The following ADAMTS19 variants were observed in gnomAD, a reference collection of about 807,000 sequenced individuals.
ADAMTS19 encodes A disintegrin and metalloproteinase with thrombospondin motifs 19.
ADAMTS19 carries 93 observed loss-of-function variants against 153.3 expected under a neutral mutation model. The observed-to-expected ratio is 0.61, with a 90% CI of 0.51 to 0.72. ADAMTS19 has a LOEUF of 0.72. Among genes scored for constraint, ADAMTS19 ranks in the 30% least tolerant of loss-of-function variants. The pLI is 0.00. For missense variants in ADAMTS19, 1,482 were observed against 1,552.1 expected (o/e 0.95, Z 0.76); for synonymous variants, 600 against 556.6 (o/e 1.08, Z -1.10).
intron 21 of ADAMTS19, among the ~76,000 whole-genome samples, chr5:129,710,056 G>A (rs1029407040): frequency 1.3e-5 from 2 of 151,696 alleles, no homozygotes; most frequent in South Asian, 2.1e-4. Flanking sequence ...CTGGTTTGCC[G>A]CACTATCAGC....
chr5:129,649,641 C>T (rs1380661680), intron 13 of ADAMTS19, among the ~76,000 whole-genome samples: 1 of 151,826 alleles, frequency 6.6e-6, no homozygotes, highest in Non-Finnish European at 1.5e-5. Flanking sequence ...AGTTTCAGAC[C>T]TTGATTGCGG....
At chr5:129,623,314 CT>C (rs199750983) in intron 10 of ADAMTS19, among the ~76,000 whole-genome samples, 11 of 151,360 alleles carry the variant, frequency 7.3e-5, no homozygotes, top group Admixed American at 2.0e-4. Context: ...CTCTAGTAAC[CT>C]TTTTTTTTCT....
At chr5:129,639,171 AT>A (rs1752683427) in intron 10 of ADAMTS19, among the ~76,000 whole-genome samples, 2 of 152,152 alleles carry the variant, frequency 1.3e-5, no homozygotes, top group African/African-American at 2.4e-5. Flanking sequence ...GTTGAAAAAA[AT>A]ATTTGACCCT....
intron 2 of ADAMTS19, among the ~76,000 whole-genome samples, chr5:129,492,646 C>A (rs1750806718): frequency 6.6e-6 from 1 of 151,838 alleles, no homozygotes; most frequent in African/African-American, 2.4e-5. Flanking sequence ...TTTTCATTAC[C>A]TATAATCACT....
At chr5:129,588,662 G>A (rs185450147) in intron 7 of ADAMTS19, among the ~76,000 whole-genome samples, 2 of 151,480 alleles carry the variant, frequency 1.3e-5, no homozygotes, top group African/African-American at 4.8e-5. Context: ...TTCCTTTTAT[G>A]CATAATAATA....
intron 18 of ADAMTS19, among the ~76,000 whole-genome samples, chr5:129,688,494 A>G (rs1405255628): frequency 6.6e-6 from 1 of 151,862 alleles, no homozygotes; most frequent in African/African-American, 2.4e-5. Context: ...CAGCATCTCA[A>G]ACTAAGTTTT....
chr5:129,658,303 G>GAA (rs1242274204), intron 14 of ADAMTS19, among the ~76,000 whole-genome samples: 3,109 of 98,132 alleles, frequency 0.032, 48 homozygotes, highest in Middle Eastern at 0.073. Flanking sequence ...AAGAAAGAAA[G>GAA]AAAGAAAAAG....
intron 16 of ADAMTS19, among the ~76,000 whole-genome samples, chr5:129,673,581 T>A (rs1481841330): frequency 6.6e-6 from 1 of 152,180 alleles, no homozygotes; most frequent in Non-Finnish European, 1.5e-5. Flanking sequence ...ATGACCCGTT[T>A]ATACTTGAAA....
At chr5:129,522,334 T>TACACAC (rs1561549642) in intron 3 of ADAMTS19, among the ~76,000 whole-genome samples, 1 of 80,286 alleles carries the variant, frequency 1.2e-5, no homozygotes, top group Non-Finnish European at 2.4e-5. Flanking sequence ...CACACACACA[T>TACACAC]ATATATATAT....
chr5:129,533,733 G>A (rs1397434028), intron 6 of ADAMTS19, among the ~76,000 whole-genome samples: 2 of 151,876 alleles, frequency 1.3e-5, no homozygotes, highest in Non-Finnish European at 2.9e-5. Context: ...TGGGCATTTA[G>A]TGCTGTAAAT....
intron 22 of ADAMTS19, among the ~76,000 whole-genome samples, chr5:129,736,312 A>T (rs934459865): frequency 6.6e-6 from 1 of 152,096 alleles, no homozygotes; most frequent in Non-Finnish European, 1.5e-5. Context: ...ATACAGAAGC[A>T]CAATGGTTAG....
At chr5:129,606,256 C>A (rs115966041) in intron 8 of ADAMTS19, among the ~76,000 whole-genome samples, 1 of 152,094 alleles carries the variant, frequency 6.6e-6, no homozygotes, top group Non-Finnish European at 1.5e-5. Flanking sequence ...CTGGAAATTG[C>A]GCCTGGATAG....
intron 16 of ADAMTS19, among the ~76,000 whole-genome samples, chr5:129,668,911 C>T (rs760510494): frequency 1.3e-5 from 2 of 151,974 alleles, no homozygotes; most frequent in African/African-American, 4.8e-5. Context: ...ATTTTATATA[C>T]GGAAGTGACC....
At chr5:129,599,748 C>A (rs1371933756) in intron 8 of ADAMTS19, among the ~76,000 whole-genome samples, 1 of 152,062 alleles carries the variant, frequency 6.6e-6, no homozygotes, top group Non-Finnish European at 1.5e-5. Context: ...TGACCAGGAG[C>A]TCAGATTGGA....
Position 129,665,597 on chromosome 5 carries a change from C to G in ADAMTS19, c.2506+18C>G, listed in dbSNP as rs1754013328. ...CTATTTAGGTAACCTGTGTTACAGACACAGAGAAGATCCAAGTACGAGCCC... is the reference window on the plus strand; with the variant it reads ...CTATTTAGGTAACCTGTGTTACAGAGACAGAGAAGATCCAAGTACGAGCCC... On this transcript the variant is annotated intron_variant, in intron 16 of 22. Transcript: ENST00000274487. 1 of 1,588,580 alleles carries G rather than the reference C, an allele frequency of 6.3e-7. No homozygotes were observed. Among genetic ancestry groups the G allele is most frequent in the Admixed American group, 1.7e-5 (1 of 59,150 alleles).
intron 3 of ADAMTS19, among the ~76,000 whole-genome samples, chr5:129,522,145 C>T (rs979778860): frequency 1.3e-5 from 2 of 150,102 alleles, no homozygotes; most frequent in African/African-American, 2.5e-5. Flanking sequence ...TCTCATTTCC[C>T]TTGAAGGCCA....
chr5:129,493,572 ATTTAATGAAGAT>A (rs772847315), intron 2 of ADAMTS19, among the ~76,000 whole-genome samples: 1 of 152,174 alleles, frequency 6.6e-6, no homozygotes, highest in Non-Finnish European at 1.5e-5. Flanking sequence ...ATTTCTAGCT[ATTTAATGAAGAT>A]TTAATCTCAA....
intron 1 of ADAMTS19, chr5:129,460,817 G>T (rs2112860372): frequency 2.1e-6 from 1 of 473,290 alleles, no homozygotes; most frequent in Non-Finnish European, 3.6e-6. Flanking sequence ...GTTTACTCGT[G>T]CTGGAGTCTT....
At chr5:129,576,587 T>C (rs1754109444) in intron 7 of ADAMTS19, among the ~76,000 whole-genome samples, 1 of 130,578 alleles carries the variant, frequency 7.7e-6, no homozygotes, top group Non-Finnish European at 1.6e-5. Context: ...TGCTTTATTC[T>C]TTTTTTTTTT....
Sources: allele counts gnomAD v4.1 joint callset (sites outside exome capture counted in the v4.1 genomes callset), GRCh38; gene constraint gnomAD v4.1.1; transcripts MANE v1.5; gene names NCBI Gene and HGNC (gene_info 2026-07-23, HGNC 2026-07-21).